The following CDH23 variants were observed in gnomAD, a reference collection of about 807,000 sequenced individuals.
CDH23 encodes cadherin-23.
Under a neutral mutation model 317.1 loss-of-function variants are expected in CDH23, and 189 were observed. The ratio of observed to expected loss-of-function variants is 0.60; its 90% CI spans 0.53 to 0.67. CDH23 has a LOEUF of 0.67. Among genes scored for constraint, CDH23 ranks in the 30% least tolerant of loss-of-function variants. CDH23 has a pLI of 0.00. For synonymous variants in CDH23, 1,839 were observed against 1,876.8 expected (o/e 0.98, Z 0.52); for missense variants, 4,401 against 4,592.4 (o/e 0.96, Z 1.20).
At chr10:71,498,589 C>G (rs1028165527) in intron 3 of CDH23, among the ~76,000 whole-genome samples, 3 of 152,230 alleles carry the variant, frequency 2.0e-5, no homozygotes, top group South Asian at 2.1e-4. Flanking sequence ...CCAGGGACAG[C>G]AGGTGCCCAG....
chr10:71,755,567 C>T (rs750872179), intron 38 of CDH23: 209 of 1,096,914 alleles, frequency 1.9e-4, no homozygotes, highest in Non-Finnish European at 2.6e-4. Flanking sequence ...GCAGGAGACC[C>T]GCCTTTCCCC....
chr10:71,732,339 C>G lies in CDH23; in HGVS notation c.4068C>G (p.Thr1356=), dbSNP rs143136329. The G allele has an allele frequency of 1.4e-3, 2,217 of 1,582,674 alleles. 17 individuals are homozygous for G. The African/African-American group carries it at 0.016, about 11-fold the overall frequency. The change falls in exon 32 of 70, where the codon ACC becomes ACG. Residue 1356 remains threonine, a synonymous_variant. Transcript: ENST00000224721. ...ITYRFNAYTS[T]QAKALFKIDA... ...ACCGCTTCAACGCCTACACCAGCACCCAGGCCAAAGCCCTCTTCAAGATAG... is the reference window on the plus strand; with the variant it reads ...ACCGCTTCAACGCCTACACCAGCACGCAGGCCAAAGCCCTCTTCAAGATAG...
At chr10:71,706,123 C>G (rs1025924427) in intron 25 of CDH23, among the ~76,000 whole-genome samples, 1 of 152,182 alleles carries the variant, frequency 6.6e-6, no homozygotes, top group Non-Finnish European at 1.5e-5. Flanking sequence ...GCCATAACAT[C>G]AAATGGGCCC....
At chr10:71,813,117 G>A (rs1415208629) in intron 68 of CDH23, 127 bp from the exon 69 acceptor site, 12 of 1,125,938 alleles carry the variant, frequency 1.1e-5, no homozygotes, top group Admixed American at 4.2e-5. Context: ...AGGCTCTGCC[G>A]CTGATCCTCT....
chr10:71,732,684 C>A, intron 32 of CDH23: 1 of 1,332,570 alleles, frequency 7.5e-7, no homozygotes, highest in South Asian at 1.9e-5. Context: ...GTAACACATC[C>A]ATTTTCATAT....
At chr10:71,779,220 A>C (rs1347156557) in intron 40 of CDH23, 47 bp from the exon 41 acceptor site, 2 of 1,585,544 alleles carry the variant, frequency 1.3e-6, no homozygotes, top group Non-Finnish European at 1.7e-6. Flanking sequence ...GGCCCAGCAC[A>C]AAGCTGGCTG....
chr10:71,709,100 G>T lies in CDH23; in HGVS notation c.3109G>T (p.Gly1037Cys). The T allele has an allele frequency of 6.2e-7, 1 of 1,613,690 alleles. No homozygotes were observed. Among genetic ancestry groups the T allele is most frequent in the Non-Finnish European group, 8.5e-7 (1 of 1,179,770 alleles). The stretch of plus-strand genomic sequence containing the variant: ...AGCTTCCTCTCCTTCACCCACAGGT[G>T]GCAACGTGGATGGGAAGTTCAGCGT... Reference protein sequence around the residue: ...NAELSYFITGGNVDGKFSVGY... With the variant: ...NAELSYFITGCNVDGKFSVGY... The change falls in exon 27 of 70, where the codon GGC (glycine) becomes TGC (cysteine). Residue 1037 changes from glycine (G) to cysteine (C), a missense_variant and splice_region_variant. Around this residue, in one of 3 missense-constraint regions of CDH23, gnomAD observed 3,068 missense variants for 3,203.3 expected, o/e 0.96. Coordinates refer to ENST00000224721, the MANE Select transcript of CDH23 (RefSeq NM_022124.6).
At chr10:71,532,734 T>TG (rs1840631510) in intron 6 of CDH23, among the ~76,000 whole-genome samples, 2 of 114,770 alleles carry the variant, frequency 1.7e-5, no homozygotes, top group African/African-American at 6.9e-5. Flanking sequence ...TTTGTTTTTT[T>TG]TTTTTTTTTT....
At chr10:71,685,978 G>A (rs1166388888) in intron 18 of CDH23, among the ~76,000 whole-genome samples, 1 of 152,136 alleles carries the variant, frequency 6.6e-6, no homozygotes, top group African/African-American at 2.4e-5. Flanking sequence ...CACAGGTTGG[G>A]GGTGGGGAGA....
Position 71,690,503 on chromosome 10 carries a change from G to A in CDH23, c.2095G>A (p.Asp699Asn), listed in dbSNP as rs1278514917. The A allele has an allele frequency of 1.9e-6, 3 of 1,610,780 alleles. No homozygotes were observed. In the African/African-American group the frequency reaches 4.0e-5, roughly 22 times the overall value. ...TVLFLNATDL[D>N]RSREYGQESI... ...GCTGTTCCTGAATGCCACAGACCTG[G>A]ACCGCTCCCGGGAGTACGGCCAGGA... The change falls in exon 20 of 70, where the codon GAC (aspartate) becomes AAC (asparagine). Residue 699 changes from aspartate to asparagine, a missense_variant. By Grantham distance (23) the Asp-to-Asn change is conservative. Transcript: ENST00000224721.
At chr10:71,446,111 C>T (rs1850152330) in intron 2 of CDH23, among the ~76,000 whole-genome samples, 1 of 152,188 alleles carries the variant, frequency 6.6e-6, no homozygotes, top group Admixed American at 6.5e-5. Flanking sequence ...CCTCACTTGC[C>T]ACACACCAGA....
intron 38 of CDH23, among the ~76,000 whole-genome samples, chr10:71,774,434 G>A (rs1109171): frequency 0.38 from 58,016 of 151,798 alleles, 11,348 homozygotes; most frequent in East Asian, 0.47. Flanking sequence ...CCTTTTTCCC[G>A]GCAAATCCTT....
chr10:71,716,846 TATTTTCAAAATAATAACAG>T (rs1392574152), intron 28 of CDH23: 1 of 153,406 alleles, frequency 6.5e-6, no homozygotes, highest in Admixed American at 6.5e-5. Context: ...TAATTATGAA[TATTTTCAAAATAATAACAG>T]ATTTCACAAA....
intron 7 of CDH23, among the ~76,000 whole-genome samples, chr10:71,569,665 T>A (rs540443847): frequency 1.3e-5 from 2 of 152,358 alleles, no homozygotes; most frequent in African/African-American, 4.8e-5. Flanking sequence ...AGAAGTTGTA[T>A]GACTGTGGAC....
At chr10:71,574,359 G>A (rs1858025985) in intron 8 of CDH23, among the ~76,000 whole-genome samples, 1 of 152,178 alleles carries the variant, frequency 6.6e-6, no homozygotes, top group Non-Finnish European at 1.5e-5. Flanking sequence ...GTCAGTGAAG[G>A]GCCGATAGAA....
chr10:71,679,317 AGCT>A, intron 16 of CDH23, 67 bp from the exon 17 acceptor site: 6 of 652,336 alleles, frequency 9.2e-6, no homozygotes, highest in African/African-American at 3.8e-5. Context: ...CCACCCTCCC[AGCT>A]GCCCACCCTC....
intron 3 of CDH23, among the ~76,000 whole-genome samples, chr10:71,488,569 A>G (rs1035699400): frequency 4.6e-5 from 7 of 152,156 alleles, no homozygotes; most frequent in African/African-American, 1.7e-4. Flanking sequence ...TGTTTGACCC[A>G]CTCAGAGTTT....
chr10:71,627,603 C>T (rs113979575), intron 11 of CDH23, among the ~76,000 whole-genome samples: 90 of 152,306 alleles, frequency 5.9e-4, no homozygotes, highest in African/African-American at 1.9e-3. Flanking sequence ...GTGGCAGCCG[C>T]GGTACCAGTG....
At chr10:71,546,092 C>T (rs978815209) in intron 6 of CDH23, among the ~76,000 whole-genome samples, 4 of 152,038 alleles carry the variant, frequency 2.6e-5, no homozygotes, top group African/African-American at 9.7e-5. Context: ...CTGATGGCCA[C>T]AGCATTCTCA....
Sources: allele counts gnomAD v4.1 joint callset (sites outside exome capture counted in the v4.1 genomes callset), GRCh38; gene constraint gnomAD v4.1.1; regional missense constraint gnomAD v4.1.1; transcripts MANE v1.5; gene names NCBI Gene and HGNC (gene_info 2026-07-23, HGNC 2026-07-21).